Variants in DMTN observed in about 807,000 individuals in gnomAD.
DMTN encodes dematin actin binding protein.
In DMTN, 27 loss-of-function variants were observed where a neutral mutation model predicts 59.4. The ratio of observed to expected loss-of-function variants is 0.45; its 90% confidence interval spans 0.33 to 0.63. The LOEUF is 0.63. Ranked by LOEUF, DMTN falls within the 20% of genes least tolerant of loss-of-function variation. The pLI is 0.02. For synonymous variants in DMTN, 221 were observed against 203.7 expected (o/e 1.08, Z -0.72); for missense variants, 451 against 528.9 (o/e 0.85, Z 1.45).
chr8:22,082,456 C>A lies in DMTN; in HGVS notation c.*993C>A, dbSNP rs1269121509. 2.9e-6 allele frequency: 1 copy of A among 342,096 alleles called. No homozygotes were observed. The highest frequency in any genetic ancestry group is 5.8e-6 in the Non-Finnish European group (1 of 171,756). The allele number at this position is 342,096 out of a possible 1,614,324, so 21.2% of individuals were successfully genotyped here. On this transcript the variant is annotated 3_prime_UTR_variant, in exon 16 of 16. Coordinates refer to ENST00000358242, the MANE Select transcript of DMTN (RefSeq NM_001387751.1). ...CCTGCCCAGACCCTGACATCCCTTT[C>A]CACTGTGTGTGTGACCATGCTGGGG... is the stretch of plus-strand genomic sequence containing the variant.
At position 22,069,020 on chromosome 8, in the gene DMTN, C is replaced by T. The variant is rs748096967; in HGVS notation, c.254C>T (p.Ser85Leu). The change falls in exon 5 of 16, where the codon TCG (serine) becomes TTG (leucine). Residue 85 changes from serine to leucine, a missense_variant. Transcript: ENST00000358242. ...CAGCCCCCTCTCCATTCACAGCGCT[C>T]GCTGTCACCCAAATCCACATCCCCC... ...HVELPRSRER[S>L]LSPKSTSPPP... 16 of 1,612,936 alleles carry T rather than the reference C, an allele frequency of 9.9e-6. No homozygotes were observed. Among genetic ancestry groups the T allele is most frequent in the Admixed American group, 3.3e-5 (2 of 59,918 alleles).
intron 10 of DMTN, among the ~76,000 whole-genome samples, chr8:22,075,898 A>G (rs1431679156): frequency 6.6e-6 from 1 of 152,172 alleles, no homozygotes; most frequent in Admixed American, 6.5e-5. Flanking sequence ...AGTGCAGGCC[A>G]TCTTTGGAAA....
chr8:22,080,630 G>A lies in DMTN; in HGVS notation c.957+5G>A. On this transcript the variant is annotated splice_donor_5th_base_variant and intron_variant, in intron 13 of 15. Coordinates refer to ENST00000358242, the MANE Select transcript of DMTN (RefSeq NM_001387751.1). ...TTCTCTCCCGCAGGCCTGCAGGTGA[G>A]TGCCTCCTGGAGGGGAACAGGCAGA... is the stretch of plus-strand genomic sequence containing the variant. 1 of 1,604,912 alleles carries A rather than the reference G, an allele frequency of 6.2e-7. No homozygotes were observed.
In DMTN at chr8:22,072,473, C is replaced by T. The variant is rs939433499; in HGVS notation, c.729+23C>T. On this transcript the variant is annotated intron_variant, in intron 9 of 15. Transcript: ENST00000358242. ...AAGGTAGCATCTCACCACCCCCACC[C>T]TCCACCCCTGTGCAGGAGTCTCGCT... 1.2e-5 allele frequency: 18 copies of T among 1,537,810 alleles called. No individual in the cohort carries two copies. In the Admixed American group the frequency reaches 3.5e-4, roughly 30 times the overall value.
intron 9 of DMTN, 118 bp downstream of exon 9, chr8:22,072,568 A>T: frequency 9.5e-7 from 1 of 1,052,158 alleles, no homozygotes; most frequent in Non-Finnish European, 1.3e-6. Flanking sequence ...GGTTCAAGTG[A>T]TTCTCCTGCC....
upstream of DMTN, chr8:22,055,107 C>A (rs933429384): frequency 6.6e-6 from 1 of 152,652 alleles, no homozygotes; most frequent in African/African-American, 2.4e-5. Context: ...AGGCACCCCT[C>A]CTCCCAGGCC....
At position 22,082,293 on chromosome 8, in the gene DMTN, A is replaced by G. The variant is rs1563570319; in HGVS notation, c.*830A>G. 1 of 454,974 alleles carries G rather than the reference A, an allele frequency of 2.2e-6. No homozygotes were observed. Among genetic ancestry groups the G allele is most frequent in the Non-Finnish European group, 4.4e-6 (1 of 225,852 alleles). The allele number at this position is 454,974 out of a possible 1,614,324, so 28.2% of individuals were successfully genotyped here. ...CCCCCCCACACACTATGCTCTCTCA[A>G]GAATGTAATTTATTGGGGCCCCCCC... On this transcript the variant is annotated 3_prime_UTR_variant, in exon 16 of 16. Transcript: ENST00000358242.
intron 10 of DMTN, among the ~76,000 whole-genome samples, chr8:22,075,171 C>T (rs1240062781): frequency 3.9e-5 from 5 of 126,642 alleles, no homozygotes; most frequent in Non-Finnish European, 8.3e-5. Flanking sequence ...TAGGGAACAG[C>T]GTGAGACTCT....
upstream of DMTN, among the ~76,000 whole-genome samples, chr8:22,055,833 C>T (rs1020661091): frequency 7.2e-5 from 11 of 152,172 alleles, no homozygotes; most frequent in African/African-American, 2.7e-4. Flanking sequence ...TCCCCCTGTG[C>T]TTCTCCATTC....
At chr8:22,064,022 G>C (rs767693321) in intron 1 of DMTN, among the ~76,000 whole-genome samples, 1 of 152,218 alleles carries the variant, frequency 6.6e-6, no homozygotes, top group African/African-American at 2.4e-5. Flanking sequence ...ACATGACTAA[G>C]TAGATGGATG....
intron 10 of DMTN, among the ~76,000 whole-genome samples, chr8:22,079,267 TAAATAA>T (rs1237473060): frequency 1.1e-3 from 50 of 47,038 alleles, no homozygotes; most frequent in Admixed American, 9.0e-4. Context: ...AATAAATAAA[TAAATAA>T]ATAAATATAT....
Position 22,067,154 on chromosome 8 carries a change from ATCGTGGTGAGTACCCC to A in DMTN, c.91_93+13del. 1 of 1,608,144 alleles carries A rather than the reference ATCGTGGTGAGTACCCC, an allele frequency of 6.2e-7. No individual in the cohort carries two copies. Among genetic ancestry groups the A allele is most frequent in the Non-Finnish European group, 8.5e-7 (1 of 1,177,658 alleles). On this transcript the variant is annotated splice_donor_variant and splice_donor_5th_base_variant and coding_sequence_variant and intron_variant, in exon 3 of 16. Coordinates refer to ENST00000358242, the MANE Select transcript of DMTN (RefSeq NM_001387751.1). LOFTEE classifies it high-confidence loss of function. ...CAGTGTGCCTGGCTCTCCCTCCAGC[ATCGTGGTGAGTACCCC>A]TCTCGGCCACCAGCAACCCCTGGCT...
intron 1 of DMTN, among the ~76,000 whole-genome samples, chr8:22,059,662 C>T (rs1227823803): frequency 6.6e-6 from 1 of 152,142 alleles, no homozygotes; most frequent in Non-Finnish European, 1.5e-5. Context: ...TTCATTTTTG[C>T]TCATCTCTAA....
At chr8:22,079,041 A>T (rs1821940569) in intron 10 of DMTN, among the ~76,000 whole-genome samples, 1 of 150,542 alleles carries the variant, frequency 6.6e-6, no homozygotes, top group Admixed American at 6.6e-5. Flanking sequence ...CTCGTGATCC[A>T]CCCACCTCGG....
At position 22,081,549 on chromosome 8, in the gene DMTN, G is replaced by T; in HGVS notation, c.*86G>T. On this transcript the variant is annotated 3_prime_UTR_variant, in exon 16 of 16. Transcript: ENST00000358242. ...CGGGTTGGGAGGGGCAGGAGGTGGG[G>T]TGGAAATAGGGTGGGCTCCTTTCCT... The T allele has an allele frequency of 8.3e-7, 1 of 1,212,016 alleles. No individual in the cohort carries two copies. The highest frequency in any genetic ancestry group is 1.2e-6 in the Non-Finnish European group (1 of 823,576). The allele number at this position is 1,212,016 out of a possible 1,614,324, so 75.1% of individuals were successfully genotyped here. A position where few individuals can be genotyped will look rare whatever the true frequency, so the allele number is the denominator to read the frequency against.
chr8:22,081,046 G>A, intron 14 of DMTN, 67 bp from the exon 15 acceptor site: 1 of 1,537,754 alleles, frequency 6.5e-7, no homozygotes, highest in South Asian at 1.1e-5. Context: ...GGTTGATGTG[G>A]GAGGCCTAGG....
At position 22,058,985 on chromosome 8, in the gene DMTN, GAGCGCCTGGCCCCTGCCCTGC is replaced by G. The variant is rs1423976746; in HGVS notation, c.-172+1856_-172+1876del. ...TCACACGCATGCACAGCACCCATGGGAGCGCCTGGCCCCTGCCCTGCAGCGCCGCACTGCTCCACCCTCCCT... is the reference window on the plus strand; with the variant it reads ...TCACACGCATGCACAGCACCCATGGGAGCGCCGCACTGCTCCACCCTCCCT... On this transcript the variant is annotated intron_variant, in intron 1 of 15. Coordinates refer to ENST00000358242, the MANE Select transcript of DMTN (RefSeq NM_001387751.1). The surrounding 1 kb of genome is among the most constrained non-coding windows in gnomAD (Gnocchi z 4.3). Among the ~76,000 whole-genome samples the G allele has an allele frequency of 2.6e-5, 4 of 152,092 alleles. No individual in the cohort carries two copies. Among genetic ancestry groups the G allele is most frequent in the African/African-American group, 9.7e-5 (4 of 41,428 alleles).
chr8:22,068,540 C>T (rs1812594380), intron 4 of DMTN, among the ~76,000 whole-genome samples: 1 of 151,760 alleles, frequency 6.6e-6, no homozygotes, highest in African/African-American at 2.4e-5. Flanking sequence ...TGCATTTAGG[C>T]TGGGCAACAG....
chr8:22,054,184 C>T (rs1458654166), upstream of DMTN, among the ~76,000 whole-genome samples: 1 of 152,062 alleles, frequency 6.6e-6, no homozygotes, highest in African/African-American at 2.4e-5. Flanking sequence ...TACCACTCCT[C>T]AGGTCGACAG....
Sources: gnomAD v4.1 joint callset for allele counts (sites outside exome capture counted in the v4.1 genomes callset) on GRCh38, gnomAD v4.1.1 for gene constraint, Gnocchi (gnomAD v3.1) non-coding constraint, MANE v1.5 for transcripts, NCBI Gene and HGNC (gene_info 2026-07-23, HGNC 2026-07-21) for gene names.